Variants in EDARADD observed in about 807,000 individuals in gnomAD.
EDARADD encodes ectodysplasin-A receptor-associated adapter protein.
In EDARADD, 20 loss-of-function variants were observed where a neutral mutation model predicts 25.6. That is an observed-to-expected ratio of 0.78 (90% CI 0.55 to 1.14). The LOEUF (loss-of-function observed/expected upper bound fraction) is 1.14, where lower values mean the gene tolerates loss of function less well. Ranked by LOEUF, EDARADD falls within the 50% of genes most tolerant of loss-of-function variation. The probability of loss-of-function intolerance (pLI) is 0.00; values close to 1 mark genes in which losing one functional copy is unlikely to be tolerated. For synonymous variants in EDARADD, 86 were observed against 94.4 expected (o/e 0.91, Z 0.52); for missense variants, 225 against 270.1 (o/e 0.83, Z 1.17).
chr1:236,446,219 C>A (rs569414928), intron 4 of EDARADD, among the ~76,000 whole-genome samples: 14 of 152,260 alleles, frequency 9.2e-5, no homozygotes, highest in African/African-American at 3.1e-4. Context: ...TCCTGTACAG[C>A]CCTTGGCCTG....
chr1:236,422,898 C>G (rs184741391), intron 3 of EDARADD, among the ~76,000 whole-genome samples: 1 of 152,154 alleles, frequency 6.6e-6, no homozygotes, highest in Non-Finnish European at 1.5e-5. Context: ...TAATGGACAG[C>G]GCAGTATGGA....
Position 236,483,059 on chromosome 1 carries a change from T to G in EDARADD, c.*410T>G. On this transcript the variant is annotated 3_prime_UTR_variant, in exon 6 of 6. Transcript: ENST00000334232. ...GTAACATCTCTCCTGATCAGTGCCA[T>G]TCCCACGGTTTCAAAGAAAACAGCT... 3 of 756,788 alleles carry G rather than the reference T, an allele frequency of 4.0e-6. No homozygotes were observed. Among genetic ancestry groups the G allele is most frequent in the Non-Finnish European group, 6.6e-6 (3 of 453,344 alleles). The allele number at this position is 756,788 out of a possible 1,614,324, so 46.9% of individuals were successfully genotyped here. A position where few individuals can be genotyped will look rare whatever the true frequency, so the allele number is the denominator to read the frequency against.
At chr1:236,438,239 C>T (rs969184324) in intron 4 of EDARADD, among the ~76,000 whole-genome samples, 4 of 152,218 alleles carry the variant, frequency 2.6e-5, no homozygotes, top group African/African-American at 7.2e-5. Flanking sequence ...TTTCAAAACA[C>T]AGTCACATTC....
intron 4 of EDARADD, among the ~76,000 whole-genome samples, chr1:236,429,002 G>A (rs1231908053): frequency 6.6e-6 from 1 of 152,102 alleles, no homozygotes. Flanking sequence ...CAGGCGTTGC[G>A]ACGCGCGCCT....
chr1:236,463,781 A>C (rs188306483), intron 4 of EDARADD, among the ~76,000 whole-genome samples: 6 of 152,258 alleles, frequency 3.9e-5, no homozygotes, highest in African/African-American at 1.4e-4. Context: ...GCCAACGGAT[A>C]TCTCACCTCC....
At chr1:236,412,534 C>G (rs1657519916) in intron 2 of EDARADD, among the ~76,000 whole-genome samples, 1 of 152,072 alleles carries the variant, frequency 6.6e-6, no homozygotes, top group South Asian at 2.1e-4. Flanking sequence ...CTCATCTAAT[C>G]CCGCCTTCCT....
intron 3 of EDARADD, among the ~76,000 whole-genome samples, chr1:236,425,220 G>T (rs1179150040): frequency 6.6e-6 from 1 of 152,220 alleles, no homozygotes; most frequent in Non-Finnish European, 1.5e-5. Context: ...CGCTCGCCAG[G>T]GGCTCTGTGC....
chr1:236,459,073 C>A (rs1217148029), intron 4 of EDARADD, among the ~76,000 whole-genome samples: 2 of 152,170 alleles, frequency 1.3e-5, no homozygotes, highest in East Asian at 3.8e-4. Context: ...AGCTAGCACA[C>A]AATTGTGCAC....
intron 2 of EDARADD, among the ~76,000 whole-genome samples, chr1:236,411,193 C>T (rs950122081): frequency 6.6e-6 from 1 of 152,164 alleles, no homozygotes; most frequent in East Asian, 1.9e-4. Context: ...ACAAAGTGAT[C>T]TTTCCAAAGT....
chr1:236,436,252 G>A (rs1451968236), intron 4 of EDARADD, among the ~76,000 whole-genome samples: 1 of 151,880 alleles, frequency 6.6e-6, no homozygotes, highest in Non-Finnish European at 1.5e-5. Flanking sequence ...CCACCTCCTG[G>A]GTTCAAGCGA....
intron 4 of EDARADD, among the ~76,000 whole-genome samples, chr1:236,448,512 T>G (rs894401647): frequency 1.3e-5 from 2 of 152,190 alleles, no homozygotes; most frequent in African/African-American, 4.8e-5. Flanking sequence ...GCATATTCCC[T>G]GACTCCCAAA....
chr1:236,355,965 C>T (rs1488037984), intron 3 of EDARADD, among the ~76,000 whole-genome samples: 1 of 152,020 alleles, frequency 6.6e-6, no homozygotes, highest in East Asian at 1.9e-4. Flanking sequence ...GGCTGTATCA[C>T]AGGCAAAAAA....
chr1:236,433,621 A>C (rs1241818616), intron 4 of EDARADD, among the ~76,000 whole-genome samples: 1 of 151,916 alleles, frequency 6.6e-6, no homozygotes, highest in Non-Finnish European at 1.5e-5. Context: ...TAACTCATAT[A>C]GTTTTCAAAA....
At chr1:236,388,549 T>C (rs1424748078) in intron 3 of EDARADD, among the ~76,000 whole-genome samples, 1 of 152,246 alleles carries the variant, frequency 6.6e-6, no homozygotes, top group East Asian at 1.9e-4. Flanking sequence ...GATTTCTTTT[T>C]ATGTTTTTCA....
chr1:236,460,364 G>C (rs1659005908), intron 4 of EDARADD, among the ~76,000 whole-genome samples: 1 of 151,418 alleles, frequency 6.6e-6, no homozygotes, highest in Non-Finnish European at 1.5e-5. Context: ...TATATTTTTT[G>C]TAGAGATTGG....
chr1:236,397,002 T>C (rs1389107652), intron 1 of EDARADD, among the ~76,000 whole-genome samples: 4 of 148,566 alleles, frequency 2.7e-5, no homozygotes, highest in Admixed American at 1.3e-4. Flanking sequence ...AAAAAGATCT[T>C]GAGAGAGATA....
rs114693878 is a variant in EDARADD, at chr1:236,451,042, C to T, written c.220-17189C>T. On this transcript the variant is annotated intron_variant, in intron 4 of 5. Coordinates refer to ENST00000334232, the MANE Select transcript of EDARADD (RefSeq NM_145861.4). Reference sequence around the variant, plus strand: ...ACAATTACCTCATATGGGCAGTGCACGCCCAGCTGAATTTTTGCGCCTATC... The same window carrying T: ...ACAATTACCTCATATGGGCAGTGCATGCCCAGCTGAATTTTTGCGCCTATC... Among the ~76,000 whole-genome samples the T allele has an allele frequency of 4.6e-3, 698 of 152,218 alleles. 8 individuals carry two copies. Among genetic ancestry groups the T allele is most frequent in the African/African-American group, 0.016 (663 of 41,520 alleles).
chr1:236,446,179 C>T (rs1658532325), intron 4 of EDARADD, among the ~76,000 whole-genome samples: 1 of 152,158 alleles, frequency 6.6e-6, no homozygotes, highest in South Asian at 2.1e-4. Context: ...CCCTAAGGAC[C>T]TTCTCCTTCT....
intron 4 of EDARADD, among the ~76,000 whole-genome samples, chr1:236,455,784 A>G (rs1658841972): frequency 6.9e-6 from 1 of 145,754 alleles, no homozygotes. Context: ...GCACTGGAAT[A>G]GAAATCGCCT....
Sources: allele counts gnomAD v4.1 joint callset (sites outside exome capture counted in the v4.1 genomes callset), GRCh38; gene constraint gnomAD v4.1.1; transcripts MANE v1.5; gene names NCBI Gene and HGNC (gene_info 2026-07-23, HGNC 2026-07-21).